The following CAMKMT variants were observed in gnomAD, a reference collection of about 807,000 sequenced individuals.
CAMKMT encodes calmodulin-lysine N-methyltransferase.
Under a neutral mutation model 48.0 loss-of-function variants are expected in CAMKMT, and 53 were observed. The ratio of observed to expected loss-of-function variants is 1.10; its 90% CI spans 0.89 to 1.39. The LOEUF (loss-of-function observed/expected upper bound fraction) is 1.39. CAMKMT is among the 40% of genes most tolerant of loss of function. The probability of loss-of-function intolerance (pLI) is 0.00; values close to 1 mark genes in which losing one functional copy is unlikely to be tolerated. For synonymous variants in CAMKMT, 165 were observed against 152.3 expected (o/e 1.08, Z -0.61); for missense variants, 428 against 402.7 (o/e 1.06, Z -0.54).
intron 3 of CAMKMT, among the ~76,000 whole-genome samples, chr2:44,424,344 G>C (rs1365947923): frequency 6.6e-6 from 1 of 152,012 alleles, no homozygotes; most frequent in Admixed American, 6.6e-5. Context: ...GCTCCCCAAA[G>C]TAAAGATTCC....
At chr2:44,450,244 T>G (rs545767450) in intron 3 of CAMKMT, among the ~76,000 whole-genome samples, 1 of 152,266 alleles carries the variant, frequency 6.6e-6, no homozygotes, top group South Asian at 2.1e-4. Context: ...TAGCTGATCT[T>G]ACCAATGAGC....
At chr2:44,755,056 C>G (rs561179869) in intron 9 of CAMKMT, among the ~76,000 whole-genome samples, 52 of 152,290 alleles carry the variant, frequency 3.4e-4, no homozygotes, top group Admixed American at 3.1e-3. Context: ...ACCTTTCAAC[C>G]TTTCTTTTAT....
intron 10 of CAMKMT, among the ~76,000 whole-genome samples, chr2:44,770,176 G>A (rs1014498268): frequency 6.6e-6 from 1 of 152,216 alleles, no homozygotes; most frequent in African/African-American, 2.4e-5. Flanking sequence ...TTCCCCCATC[G>A]AAGCAAGTAT....
intron 3 of CAMKMT, among the ~76,000 whole-genome samples, chr2:44,667,784 A>G (rs563335530): frequency 6.6e-6 from 1 of 152,228 alleles, no homozygotes; most frequent in South Asian, 2.1e-4. Flanking sequence ...GTACTGTGAT[A>G]GCTCCACTCC....
chr2:44,445,645 GTTTTTTTTTT>G (rs869258613), intron 3 of CAMKMT, among the ~76,000 whole-genome samples: 6 of 101,408 alleles, frequency 5.9e-5, no homozygotes, highest in East Asian at 8.5e-4. Flanking sequence ...CAAAAGGGTA[GTTTTTTTTTT>G]TTTTTTTTTT....
intron 3 of CAMKMT, among the ~76,000 whole-genome samples, chr2:44,496,489 C>T (rs1437319212): frequency 6.6e-6 from 1 of 152,190 alleles, no homozygotes; most frequent in Non-Finnish European, 1.5e-5. Context: ...GCATTTTCCA[C>T]TTTTGACTAA....
At position 44,692,512 on chromosome 2, in the gene CAMKMT, A is replaced by G. The variant is rs75819611; in HGVS notation, c.377-11771A>G. 5.9e-4 allele frequency among the ~76,000 whole-genome samples: 90 copies of G among 152,258 alleles called. 1 individual carries two copies. In the East Asian group the frequency reaches 0.016, roughly 26 times the overall value. ...GTCTGAAATGATCTTACTTGTGTCT[A>G]TTTTCCCTATGAAAGTTATTTAGGC... On this transcript the variant is annotated intron_variant, in intron 3 of 10. Coordinates refer to ENST00000378494, the MANE Select transcript of CAMKMT (RefSeq NM_024766.5).
chr2:44,714,706 A>G (rs572681900), intron 6 of CAMKMT, among the ~76,000 whole-genome samples: 1 of 152,234 alleles, frequency 6.6e-6, no homozygotes, highest in African/African-American at 2.4e-5. Context: ...TGCCCTTTTA[A>G]GCAAGTAGGA....
At position 44,383,477 on chromosome 2, in the gene CAMKMT, G is replaced by GTAAT. The variant is rs565847930; in HGVS notation, c.312-6762_312-6759dup. On this transcript the variant is annotated intron_variant, in intron 2 of 10. Coordinates refer to ENST00000378494, the MANE Select transcript of CAMKMT (RefSeq NM_024766.5). The stretch of plus-strand genomic sequence containing the variant: ...TGCACCTGACCCCTTTTTTTAATTT[G>GTAAT]TAATTTCAATTTTCATTTTTTTCCA... 3.0e-3 allele frequency among the ~76,000 whole-genome samples: 461 copies of GTAAT among 151,928 alleles called. 1 individual carries two copies. The highest frequency in any genetic ancestry group is 0.011 in the African/African-American group (441 of 41,462).
At chr2:44,465,845 G>C (rs1438346396) in intron 3 of CAMKMT, among the ~76,000 whole-genome samples, 1 of 152,140 alleles carries the variant, frequency 6.6e-6, no homozygotes, top group Admixed American at 6.5e-5. Flanking sequence ...GATGGAAAAA[G>C]ATACTCCATG....
At chr2:44,514,129 A>G (rs1482626287) in intron 3 of CAMKMT, among the ~76,000 whole-genome samples, 2 of 151,458 alleles carry the variant, frequency 1.3e-5, no homozygotes, top group East Asian at 3.9e-4. Context: ...AAAATCCTTC[A>G]GTGCTTAGAG....
intron 9 of CAMKMT, among the ~76,000 whole-genome samples, chr2:44,764,041 T>C (rs1680729819): frequency 6.6e-6 from 1 of 152,172 alleles, no homozygotes; most frequent in African/African-American, 2.4e-5. Context: ...TTTTTTTTTT[T>C]CTAATGGAGA....
At chr2:44,723,468 G>A (rs950470284) in intron 7 of CAMKMT, among the ~76,000 whole-genome samples, 1 of 151,916 alleles carries the variant, frequency 6.6e-6, no homozygotes, top group Non-Finnish European at 1.5e-5. Flanking sequence ...GCGGGCACCT[G>A]TAATCCGAGC....
chr2:44,517,144 C>G (rs974797694), intron 3 of CAMKMT, among the ~76,000 whole-genome samples: 1 of 152,012 alleles, frequency 6.6e-6, no homozygotes, highest in Non-Finnish European at 1.5e-5. Context: ...TTAATATTTC[C>G]TTTTAAAAAA....
intron 1 of CAMKMT, among the ~76,000 whole-genome samples, chr2:44,371,010 G>C (rs1027392265): frequency 2.6e-5 from 4 of 152,070 alleles, no homozygotes; most frequent in Non-Finnish European, 5.9e-5. Context: ...TTGAGGCAGA[G>C]TCTCGCTGTT....
At chr2:44,536,836 A>T (rs1284817520) in intron 3 of CAMKMT, among the ~76,000 whole-genome samples, 1 of 152,194 alleles carries the variant, frequency 6.6e-6, no homozygotes, top group Non-Finnish European at 1.5e-5. Context: ...ATGGAACAGA[A>T]TAGAGAACCC....
chr2:44,516,566 A>G (rs1670842615), intron 3 of CAMKMT, among the ~76,000 whole-genome samples: 1 of 152,110 alleles, frequency 6.6e-6, no homozygotes. Context: ...GATAGCTATA[A>G]AGAGATATAC....
At chr2:44,543,335 G>A (rs920526292) in intron 3 of CAMKMT, among the ~76,000 whole-genome samples, 2 of 152,142 alleles carry the variant, frequency 1.3e-5, no homozygotes, top group African/African-American at 4.8e-5. Flanking sequence ...CAAATGAAAA[G>A]GATGCAAAGA....
chr2:44,481,602 T>C (rs779034966), intron 3 of CAMKMT, among the ~76,000 whole-genome samples: 12 of 152,146 alleles, frequency 7.9e-5, no homozygotes, highest in Admixed American at 3.3e-4. Context: ...CACTTTGTTC[T>C]AATTTGTAAA....
Sources: allele counts gnomAD v4.1 joint callset (sites outside exome capture counted in the v4.1 genomes callset), GRCh38; gene constraint gnomAD v4.1.1; transcripts MANE v1.5; gene names NCBI Gene and HGNC (gene_info 2026-07-23, HGNC 2026-07-21).